NAV2: variants seen among roughly 807,000 people sequenced by gnomAD.
NAV2 encodes the protein helicase, APC down-regulated 1.
NAV2 carries 54 observed loss-of-function variants against 223.2 expected under a neutral mutation model. That is an observed-to-expected ratio of 0.24 (90% CI 0.19 to 0.30). NAV2 has a LOEUF of 0.30. NAV2 is among the 10% of genes least tolerant of loss of function. NAV2 has a pLI of 1.00. For missense variants in NAV2, 2,806 were observed against 3,147.5 expected, an observed-to-expected ratio of 0.89 and a Z score of 2.60; for synonymous variants, 1,279 against 1,239.3, an observed-to-expected ratio of 1.03 and a Z score of -0.67.
chr11:19,552,037 A>G (rs1354183784), intron 1 of NAV2, among the ~76,000 whole-genome samples: 1 of 151,472 alleles, frequency 6.6e-6, no homozygotes, highest in Admixed American at 6.6e-5. Flanking sequence ...AGGACGGGGG[A>G]GGCAGTGAAT....
At chr11:19,860,208 G>C (rs1049557350) in intron 3 of NAV2, among the ~76,000 whole-genome samples, 2 of 149,742 alleles carry the variant, frequency 1.3e-5, no homozygotes, top group African/African-American at 5.0e-5. Flanking sequence ...GTGGCTGCCG[G>C]GCGGAGACGC....
intron 10 of NAV2, among the ~76,000 whole-genome samples, chr11:19,953,484 C>G (rs2047562111): frequency 6.6e-6 from 1 of 152,188 alleles, no homozygotes; most frequent in Non-Finnish European, 1.5e-5. Flanking sequence ...CAAAGCCCTC[C>G]CTCCTGGGAC....
chr11:19,773,042 T>C (rs548009756), intron 1 of NAV2, among the ~76,000 whole-genome samples: 1 of 152,322 alleles, frequency 6.6e-6, no homozygotes, highest in South Asian at 2.1e-4. Flanking sequence ...TAGCTCTTGC[T>C]CAAGGAAACA....
intron 9 of NAV2, among the ~76,000 whole-genome samples, chr11:19,947,672 C>G (rs941089181): frequency 7.2e-5 from 11 of 152,170 alleles, no homozygotes; most frequent in African/African-American, 2.7e-4. Flanking sequence ...GACTGGGCTG[C>G]AAGAAACTGC....
intron 3 of NAV2, among the ~76,000 whole-genome samples, chr11:19,866,197 T>A (rs553320216): frequency 6.6e-6 from 1 of 152,372 alleles, no homozygotes; most frequent in African/African-American, 2.4e-5. Flanking sequence ...ATCTCAGCAC[T>A]GTTGATGTTT....
chr11:19,434,451 G>A (rs572844734), intron 1 of NAV2, among the ~76,000 whole-genome samples: 1 of 152,306 alleles, frequency 6.6e-6, no homozygotes, highest in East Asian at 1.9e-4. Context: ...GAATGAAGAA[G>A]TTGGAGAGCA....
intron 11 of NAV2, among the ~76,000 whole-genome samples, chr11:20,002,994 C>G (rs1409482057): frequency 6.6e-6 from 1 of 152,232 alleles, no homozygotes; most frequent in Non-Finnish European, 1.5e-5. Context: ...CATAAATGGG[C>G]TGTAAACCAG....
intron 1 of NAV2, among the ~76,000 whole-genome samples, chr11:19,797,041 C>T (rs2057949103): frequency 6.6e-6 from 1 of 152,054 alleles, no homozygotes; most frequent in Non-Finnish European, 1.5e-5. Context: ...AACTTTATCT[C>T]AAATGGTATG....
Position 19,933,510 on chromosome 11 carries a change from C to A in NAV2, c.1266C>A (p.Ser422=), listed in dbSNP as rs973833383. 9.9e-6 allele frequency: 16 copies of A among 1,610,666 alleles called. No homozygotes were observed. In the East Asian group the frequency reaches 2.9e-4, roughly 29 times the overall value. ...GGSKAGEGPG[S]RDTSCERLET... ...CAAAGGCAGGTGAGGGGCCGGGGTCCCGGGACACAAGCTGTGAGCGGCTGG... is the reference window on the plus strand; with the variant it reads ...CAAAGGCAGGTGAGGGGCCGGGGTCACGGGACACAAGCTGTGAGCGGCTGG... Residue 422 remains serine (S), a synonymous_variant, in exon 7 of 38, where the codon TCC becomes TCA. Coordinates refer to ENST00000349880, the MANE Select transcript of NAV2 (RefSeq NM_145117.5). The surrounding 1 kb of genome is among the most constrained non-coding windows in gnomAD (Gnocchi z 4.3).
intron 1 of NAV2, among the ~76,000 whole-genome samples, chr11:19,588,606 G>A (rs937311690): frequency 6.6e-6 from 1 of 152,200 alleles, no homozygotes; most frequent in Non-Finnish European, 1.5e-5. Flanking sequence ...AGAAGAAGTG[G>A]TACACAACTA....
At chr11:19,820,496 G>C (rs1039613378) in intron 1 of NAV2, among the ~76,000 whole-genome samples, 1 of 152,194 alleles carries the variant, frequency 6.6e-6, no homozygotes, top group Non-Finnish European at 1.5e-5. Context: ...ACTCAATTTT[G>C]TTCTGAAGTG....
At chr11:20,038,771 A>C (rs1011443469) in intron 12 of NAV2, among the ~76,000 whole-genome samples, 12 of 152,212 alleles carry the variant, frequency 7.9e-5, no homozygotes, top group African/African-American at 2.7e-4. Flanking sequence ...CAGCATGTCC[A>C]TCAGGAAAGC....
intron 1 of NAV2, among the ~76,000 whole-genome samples, chr11:19,747,140 G>A (rs1351016217): frequency 1.4e-5 from 2 of 142,438 alleles, no homozygotes; most frequent in African/African-American, 2.6e-5. Context: ...GAGAACATGC[G>A]GTATTTGGTT....
intron 6 of NAV2, among the ~76,000 whole-genome samples, chr11:19,930,753 A>C (rs964503079): frequency 2.0e-4 from 31 of 152,204 alleles, no homozygotes; most frequent in African/African-American, 7.2e-4. Context: ...CCCCAGATCT[A>C]AGTTCAGGTA....
At chr11:19,485,469 T>C (rs1328905844) in intron 1 of NAV2, among the ~76,000 whole-genome samples, 3 of 152,188 alleles carry the variant, frequency 2.0e-5, no homozygotes, top group African/African-American at 4.8e-5. Context: ...AGGGCTTGAC[T>C]GAGGGACATT....
intron 4 of NAV2, among the ~76,000 whole-genome samples, chr11:19,874,209 C>T (rs963209608): frequency 1.3e-5 from 2 of 152,162 alleles, no homozygotes; most frequent in African/African-American, 4.8e-5. Flanking sequence ...CAGATTAGGA[C>T]CAGCCAGTGG....
chr11:19,390,704 G>A (rs1849214504), intron 1 of NAV2, among the ~76,000 whole-genome samples: 1 of 152,142 alleles, frequency 6.6e-6, no homozygotes, highest in Admixed American at 6.5e-5. Flanking sequence ...GTGAAGGGGA[G>A]GGGAGGGAAA....
At chr11:20,049,303 T>A in intron 15 of NAV2, 108 bp downstream of exon 15, 2 of 856,640 alleles carry the variant, frequency 2.3e-6, no homozygotes, top group Non-Finnish European at 3.6e-6. Flanking sequence ...GTAAGATTTC[T>A]CTCTTTCTAA....
intron 3 of NAV2, among the ~76,000 whole-genome samples, chr11:19,856,732 C>T (rs970675398): frequency 1.3e-5 from 2 of 152,136 alleles, no homozygotes; most frequent in Non-Finnish European, 2.9e-5. Flanking sequence ...CAGAGAATAG[C>T]GGACCCATGG....
Sources: gnomAD v4.1 joint callset for allele counts (sites outside exome capture counted in the v4.1 genomes callset) on GRCh38, gnomAD v4.1.1 for gene constraint, Gnocchi (gnomAD v3.1) non-coding constraint, MANE v1.5 for transcripts, NCBI Gene and HGNC (gene_info 2026-07-23, HGNC 2026-07-21) for gene names.